Variants in DLG2 observed in about 807,000 individuals in gnomAD.
DLG2 encodes discs large MAGUK scaffold protein 2.
In DLG2, 45 loss-of-function variants were observed where a neutral mutation model predicts 132.5. The observed-to-expected ratio is 0.34, with a 90% confidence interval of 0.27 to 0.44. The LOEUF (loss-of-function observed/expected upper bound fraction) is 0.44. Ranked by LOEUF, DLG2 falls within the 20% of genes least tolerant of loss-of-function variation. The pLI is 1.00. For synonymous variants in DLG2, 424 were observed against 419.6 expected (o/e 1.01, Z -0.13); for missense variants, 1,045 against 1,196.9 (o/e 0.87, Z 1.87).
intron 6 of DLG2, among the ~76,000 whole-genome samples, chr11:84,714,543 TTC>T (rs367838730): frequency 6.2e-5 from 5 of 80,554 alleles, no homozygotes; most frequent in East Asian, 2.8e-4. Flanking sequence ...CTCTTTCTCT[TTC>T]TCTTTCTCTC....
At chr11:84,420,650 C>CTTTTTTTTTTTTT (rs768420271) in intron 7 of DLG2, among the ~76,000 whole-genome samples, 648 of 42,234 alleles carry the variant, frequency 0.015, 278 homozygotes, top group Non-Finnish European at 0.024. Context: ...TGCTTGTTTT[C>CTTTTTTTTTTTTT]TTTTTTTTTT....
chr11:83,981,781 T>C (rs1381023466), intron 11 of DLG2, among the ~76,000 whole-genome samples: 1 of 152,238 alleles, frequency 6.6e-6, no homozygotes, highest in Non-Finnish European at 1.5e-5. Context: ...TTTTATAACA[T>C]GGCAGAATAT....
At position 84,223,286 on chromosome 11, in the gene DLG2, A is replaced by T. The variant is rs187086442; in HGVS notation, c.573+27952T>A. Among the ~76,000 whole-genome samples the T allele has an allele frequency of 4.5e-4, 68 of 152,298 alleles. 1 individual carries two copies. Among genetic ancestry groups the T allele is most frequent in the African/African-American group, 1.4e-3 (60 of 41,546 alleles). On this transcript the variant is annotated intron_variant, in intron 8 of 27. Coordinates refer to ENST00000376104, the MANE Select transcript of DLG2 (RefSeq NM_001142699.3). ...ATCGAGTAAAATGCTTTTGCCCTTG[A>T]TAAGACATTGATTGAGAGAGAATAA...
intron 8 of DLG2, among the ~76,000 whole-genome samples, chr11:84,214,445 A>G (rs1048957654): frequency 6.6e-6 from 1 of 151,610 alleles, no homozygotes; most frequent in Non-Finnish European, 1.5e-5. Flanking sequence ...TTATATATGT[A>G]TAAACATATA....
At chr11:84,345,642 C>CT (rs1005224804) in intron 7 of DLG2, among the ~76,000 whole-genome samples, 200 of 151,172 alleles carry the variant, frequency 1.3e-3, no homozygotes, top group African/African-American at 4.6e-3. Flanking sequence ...CTTTTCTTTT[C>CT]TTTTTTTTTA....
intron 19 of DLG2, among the ~76,000 whole-genome samples, chr11:83,547,144 T>C (rs7113293): frequency 0.66 from 100,038 of 151,994 alleles, 33,441 homozygotes; most frequent in Middle Eastern, 0.75. Flanking sequence ...GAATTTAGTT[T>C]TGGCTATACC....
At chr11:84,029,254 A>T (rs574562093) in intron 11 of DLG2, among the ~76,000 whole-genome samples, 1 of 152,246 alleles carries the variant, frequency 6.6e-6, no homozygotes, top group East Asian at 1.9e-4. Context: ...CCAATAAAAA[A>T]GATAGTATAA....
intron 19 of DLG2, among the ~76,000 whole-genome samples, chr11:83,607,003 C>G (rs981049177): frequency 1.3e-5 from 2 of 152,200 alleles, no homozygotes; most frequent in African/African-American, 4.8e-5. Context: ...ATGAACGATT[C>G]GCAAATCGGG....
chr11:85,246,187 A>G (rs1159545905), intron 4 of DLG2, among the ~76,000 whole-genome samples: 1 of 152,034 alleles, frequency 6.6e-6, no homozygotes, highest in Non-Finnish European at 1.5e-5. Flanking sequence ...TCAAATGCCT[A>G]TAAAAGTATC....
At chr11:84,436,594 A>G (rs1236172207) in intron 7 of DLG2, among the ~76,000 whole-genome samples, 2 of 152,204 alleles carry the variant, frequency 1.3e-5, no homozygotes, top group African/African-American at 2.4e-5. Context: ...TTCCCTAAAT[A>G]TGACAGTTTG....
At chr11:84,902,875 C>T (rs1487870089) in intron 6 of DLG2, among the ~76,000 whole-genome samples, 2 of 152,176 alleles carry the variant, frequency 1.3e-5, no homozygotes, top group East Asian at 1.9e-4. Context: ...TCCCTCTCTG[C>T]CACTCCCGTA....
chr11:84,861,618 CAAAAAA>C (rs1177657034), intron 6 of DLG2, among the ~76,000 whole-genome samples: 1 of 35,828 alleles, frequency 2.8e-5, no homozygotes, highest in African/African-American at 1.3e-4. Flanking sequence ...TTCTACACAG[CAAAAAA>C]AAAAAAAAAA....
intron 7 of DLG2, among the ~76,000 whole-genome samples, chr11:84,529,997 CG>C (rs2099331298): frequency 1.3e-5 from 2 of 151,938 alleles, no homozygotes; most frequent in African/African-American, 4.8e-5. Flanking sequence ...TGCACACCGA[CG>C]ATTATCTGAT....
chr11:85,402,090 T>C (rs1282693415), intron 3 of DLG2, among the ~76,000 whole-genome samples: 2 of 152,092 alleles, frequency 1.3e-5, no homozygotes, highest in Admixed American at 6.6e-5. Flanking sequence ...GACTTCAAAC[T>C]ATACTACAAG....
At chr11:84,784,246 G>A (rs866233762) in intron 6 of DLG2, among the ~76,000 whole-genome samples, 1 of 148,232 alleles carries the variant, frequency 6.7e-6, no homozygotes, top group Non-Finnish European at 1.5e-5. Context: ...CTTGATCCCG[G>A]GTGGTGGAGG....
intron 19 of DLG2, among the ~76,000 whole-genome samples, chr11:83,585,702 T>C (rs774355942): frequency 6.6e-6 from 1 of 152,332 alleles, no homozygotes; most frequent in Non-Finnish European, 1.5e-5. Context: ...CAAATGAAAA[T>C]GGTGACATTC....
chr11:84,842,028 A>G lies in DLG2; in HGVS notation c.357+269633T>C, dbSNP rs959380515. The stretch of plus-strand genomic sequence containing the variant: ...ATGGGCCTTGAACACCTTTATGGCT[A>G]TTTTTACTTACTATATTCTGAAATG... On this transcript the variant is annotated intron_variant, in intron 6 of 27. Coordinates refer to ENST00000376104, the MANE Select transcript of DLG2 (RefSeq NM_001142699.3). Among the ~76,000 whole-genome samples the G allele has an allele frequency of 3.0e-4, 46 of 152,036 alleles. 1 individual carries two copies. In the East Asian group the frequency reaches 3.7e-3, roughly 12 times the overall value.
rs558571649 is a variant in DLG2 at position 84,977,049 on chromosome 11, T to TC, written c.357+134611dup. ...TGCTTGCTTACCCATCACCTGTGCC[T>TC]CTTTTTTTTTCTGACAGAATCGTAA... is the stretch of plus-strand genomic sequence containing the variant. On this transcript the variant is annotated intron_variant, in intron 6 of 27. Transcript: ENST00000376104. Among the ~76,000 whole-genome samples the TC allele has an allele frequency of 6.9e-3, 1,050 of 152,218 alleles. 3 individuals carry two copies. Among genetic ancestry groups the TC allele is most frequent in the South Asian group, 0.017 (83 of 4,822 alleles).
intron 7 of DLG2, among the ~76,000 whole-genome samples, chr11:84,443,472 T>C (rs1182530120): frequency 1.3e-5 from 2 of 152,196 alleles, no homozygotes; most frequent in Non-Finnish European, 2.9e-5. Context: ...GCTTTAATGC[T>C]ATTCATTACA....
Sources: gnomAD v4.1 joint callset for allele counts (sites outside exome capture counted in the v4.1 genomes callset) on GRCh38, gnomAD v4.1.1 for gene constraint, MANE v1.5 for transcripts, NCBI Gene and HGNC (gene_info 2026-07-23, HGNC 2026-07-21) for gene names.